The following KCNIP3 variants were observed in gnomAD, a reference collection of about 807,000 sequenced individuals.
KCNIP3 encodes potassium voltage-gated channel interacting protein 3, also known as calsenilin.
In KCNIP3, 28 loss-of-function variants were observed where a neutral mutation model predicts 35.0. That is an observed-to-expected ratio of 0.80 (90% CI 0.59 to 1.10). The LOEUF (loss-of-function observed/expected upper bound fraction) is 1.10, where lower values mean the gene tolerates loss of function less well. KCNIP3 is among the 50% of genes least tolerant of loss of function. The probability of loss-of-function intolerance (pLI) is 0.00; values close to 1 mark genes in which losing one functional copy is unlikely to be tolerated. For synonymous variants in KCNIP3, 134 were observed against 133.8 expected, an observed-to-expected ratio of 1.00 and a Z score of -0.01; for missense variants, 295 against 338.4, an observed-to-expected ratio of 0.87 and a Z score of 1.01.
intron 2 of KCNIP3, among the ~76,000 whole-genome samples, chr2:95,342,685 T>G (rs1471206007): frequency 6.6e-6 from 1 of 152,200 alleles, no homozygotes; most frequent in Non-Finnish European, 1.5e-5. Context: ...TCCCACATGG[T>G]GGCAGCCTGG....
chr2:95,325,952 C>G (rs1678757908), intron 2 of KCNIP3, among the ~76,000 whole-genome samples: 1 of 151,258 alleles, frequency 6.6e-6, no homozygotes, highest in Non-Finnish European at 1.5e-5. Flanking sequence ...CACACTCACA[C>G]ATACACACAC....
chr2:95,314,141 A>G (rs1282542655), intron 2 of KCNIP3, among the ~76,000 whole-genome samples: 1 of 151,908 alleles, frequency 6.6e-6, no homozygotes, highest in Non-Finnish European at 1.5e-5. Context: ...AGACACCACC[A>G]CCAGTGCTCC....
intron 2 of KCNIP3, among the ~76,000 whole-genome samples, chr2:95,348,808 G>C (rs1679441900): frequency 6.6e-6 from 1 of 152,200 alleles, no homozygotes; most frequent in Non-Finnish European, 1.5e-5. Context: ...GAGCCTCAGA[G>C]TCAGCCAGGC....
intron 8 of KCNIP3, 143 bp downstream of exon 8, chr2:95,383,437 T>A: frequency 1.2e-6 from 1 of 815,420 alleles, no homozygotes; most frequent in Non-Finnish European, 2.0e-6. Flanking sequence ...CCTTGCCACC[T>A]CCTGGACAGC....
At chr2:95,344,371 T>A (rs1679294341) in intron 2 of KCNIP3, among the ~76,000 whole-genome samples, 1 of 152,180 alleles carries the variant, frequency 6.6e-6, no homozygotes, top group African/African-American at 2.4e-5. Context: ...CCAGCCTCAG[T>A]GGGCCTACGC....
chr2:95,331,972 G>A (rs555285749), intron 2 of KCNIP3, among the ~76,000 whole-genome samples: 1 of 152,342 alleles, frequency 6.6e-6, no homozygotes, highest in East Asian at 1.9e-4. Flanking sequence ...GCATGTGAGA[G>A]GTGAAGGACA....
intron 2 of KCNIP3, among the ~76,000 whole-genome samples, chr2:95,315,968 C>A (rs1243407068): frequency 2.0e-5 from 3 of 152,242 alleles, no homozygotes; most frequent in Non-Finnish European, 2.9e-5. Context: ...TACTCGATTG[C>A]TGTTGGGTGT....
At chr2:95,360,761 GAGAC>G (rs1383128576) in intron 2 of KCNIP3, among the ~76,000 whole-genome samples, 2 of 152,170 alleles carry the variant, frequency 1.3e-5, no homozygotes, top group Non-Finnish European at 2.9e-5. Context: ...GAGAGAGCGA[GAGAC>G]AGAGAGAGAG....
At chr2:95,330,422 C>A (rs1028517442) in intron 2 of KCNIP3, among the ~76,000 whole-genome samples, 1 of 152,184 alleles carries the variant, frequency 6.6e-6, no homozygotes, top group Non-Finnish European at 1.5e-5. Context: ...TGCGTTGTGT[C>A]CCAGCCCTGC....
chr2:95,383,757 C>T (rs1247829070), intron 8 of KCNIP3, among the ~76,000 whole-genome samples: 3 of 152,356 alleles, frequency 2.0e-5, no homozygotes, highest in Non-Finnish European at 4.4e-5. Context: ...CAGCCGGGAT[C>T]GCCTTCATCA....
At chr2:95,325,861 AG>A (rs1558763786) in intron 2 of KCNIP3, among the ~76,000 whole-genome samples, 1 of 112,954 alleles carries the variant, frequency 8.9e-6, no homozygotes, top group African/African-American at 3.7e-5. Context: ...ATACACTCAC[AG>A]GCACACATAC....
intron 2 of KCNIP3, among the ~76,000 whole-genome samples, chr2:95,360,497 C>T (rs1679767975): frequency 6.6e-6 from 1 of 152,218 alleles, no homozygotes; most frequent in African/African-American, 2.4e-5. Flanking sequence ...CCAGCCTCTA[C>T]TCACTACCCA....
chr2:95,298,776 A>G (rs2104191233), intron 1 of KCNIP3: 1 of 152,418 alleles, frequency 6.6e-6, no homozygotes, highest in Middle Eastern at 3.4e-3. Flanking sequence ...TGTCACCTCA[A>G]GTCTCCCCAG....
chr2:95,366,581 C>T (rs533880542), intron 2 of KCNIP3, among the ~76,000 whole-genome samples: 1 of 152,164 alleles, frequency 6.6e-6, no homozygotes, highest in Non-Finnish European at 1.5e-5. Flanking sequence ...GGAAGAGCCT[C>T]TTTATAAGAA....
At chr2:95,344,875 C>A (rs1226367867) in intron 2 of KCNIP3, among the ~76,000 whole-genome samples, 1 of 152,212 alleles carries the variant, frequency 6.6e-6, no homozygotes, top group Middle Eastern at 3.2e-3. Context: ...TACCACTACA[C>A]TTTTACAGGT....
chr2:95,298,847 C>T (rs1432643073), intron 1 of KCNIP3: 2 of 152,328 alleles, frequency 1.3e-5, no homozygotes, highest in Non-Finnish European at 2.9e-5. Context: ...GGCTCACACA[C>T]TACGGCGTCA....
intron 2 of KCNIP3, among the ~76,000 whole-genome samples, chr2:95,339,994 G>A (rs1679153155): frequency 6.6e-6 from 1 of 152,272 alleles, no homozygotes; most frequent in Admixed American, 6.5e-5. Context: ...GTTCCAGCCA[G>A]TGGGAAAAGA....
At chr2:95,304,712 G>A (rs549392077) in intron 1 of KCNIP3, among the ~76,000 whole-genome samples, 1 of 152,198 alleles carries the variant, frequency 6.6e-6, no homozygotes, top group African/African-American at 2.4e-5. Flanking sequence ...ACCTCAAAAA[G>A]TTGGTGTGAC....
chr2:95,333,425 T>C (rs1440722777), intron 2 of KCNIP3, among the ~76,000 whole-genome samples: 3 of 152,218 alleles, frequency 2.0e-5, no homozygotes, highest in Admixed American at 6.5e-5. Flanking sequence ...CTACCACTAC[T>C]GCTGCGGGAA....
Sources: gnomAD v4.1 joint callset for allele counts (sites outside exome capture counted in the v4.1 genomes callset) on GRCh38, gnomAD v4.1.1 for gene constraint, MANE v1.5 for transcripts, NCBI Gene and HGNC (gene_info 2026-07-23, HGNC 2026-07-21) for gene names.